Variants in ELAVL2 observed in about 807,000 individuals in gnomAD.
The protein encoded by ELAVL2 is ELAV-like protein 2.
Under a neutral mutation model 34.6 loss-of-function variants are expected in ELAVL2, and 4 were observed. The ratio of observed to expected loss-of-function variants is 0.12; its 90% CI spans 0.06 to 0.26. The LOEUF (loss-of-function observed/expected upper bound fraction) is 0.26. Ranked by LOEUF, ELAVL2 falls within the 10% of genes least tolerant of loss-of-function variation. ELAVL2 has a pLI of 1.00. For missense variants in ELAVL2, 432 were observed against 442.8 expected, an observed-to-expected ratio of 0.98 and a Z score of 0.22; for synonymous variants, 193 against 154.8, an observed-to-expected ratio of 1.25 and a Z score of -1.83.
intron 2 of ELAVL2, among the ~76,000 whole-genome samples, chr9:23,732,478 TCA>T (rs2046820062): frequency 1.3e-5 from 2 of 152,240 alleles, no homozygotes; most frequent in African/African-American, 4.8e-5. Context: ...TAATTTCATC[TCA>T]CACTAAAATT....
At chr9:23,840,675 T>C in the ELAVL2 span, among the ~76,000 whole-genome samples, 1 of 152,198 alleles carries the variant, frequency 6.6e-6, no homozygotes, top group Admixed American at 6.6e-5. Flanking sequence ...CAACTTCCCG[T>C]TAGTAAAATG....
intron 2 of ELAVL2, among the ~76,000 whole-genome samples, chr9:23,755,826 C>T (rs1291774625): frequency 2.0e-5 from 3 of 152,118 alleles, no homozygotes; most frequent in Admixed American, 1.3e-4. Context: ...ACCCACCCAA[C>T]CACCCTGCTG....
At chr9:23,716,727 T>C (rs186769061) in intron 3 of ELAVL2, among the ~76,000 whole-genome samples, 33 of 152,318 alleles carry the variant, frequency 2.2e-4, no homozygotes, top group Middle Eastern at 6.8e-3. Context: ...GAAATTTTTA[T>C]CCACTTTATT....
At chr9:23,764,010 A>C (rs187178309) in intron 1 of ELAVL2, among the ~76,000 whole-genome samples, 340 of 152,272 alleles carry the variant, frequency 2.2e-3, no homozygotes, top group Admixed American at 7.7e-3. Flanking sequence ...ATAATTAGCA[A>C]ATCTATTTGA....
intron 2 of ELAVL2, among the ~76,000 whole-genome samples, chr9:23,737,069 A>G (rs1302090037): frequency 6.6e-6 from 1 of 152,058 alleles, no homozygotes; most frequent in African/African-American, 2.4e-5. Context: ...ACAGCTTCTT[A>G]TATTATTCCG....
At position 23,769,129 on chromosome 9, in the gene ELAVL2, C is replaced by G. The variant is rs977035781; in HGVS notation, c.-15-6880G>C. Among the ~76,000 whole-genome samples, 15 of 152,240 alleles carry G rather than the reference C, an allele frequency of 9.9e-5. No homozygotes were observed. In the East Asian group the frequency reaches 2.7e-3, roughly 28 times the overall value. On this transcript the variant is annotated intron_variant, in intron 1 of 6. Coordinates refer to ENST00000397312, the MANE Select transcript of ELAVL2 (RefSeq NM_004432.5). ...GGCCTTCCTTCTGACCACATCAAAC[C>G]TCTCCCTAAATGCCAAGTTACAGAT...
chr9:23,702,741 T>C (rs1471740163), intron 4 of ELAVL2, among the ~76,000 whole-genome samples: 2 of 151,804 alleles, frequency 1.3e-5, no homozygotes, highest in Non-Finnish European at 2.9e-5. Context: ...AGAGCATGCA[T>C]TGCACATTAT....
chr9:23,814,581 T>G (rs905755440), intron 1 of ELAVL2, among the ~76,000 whole-genome samples: 1 of 151,994 alleles, frequency 6.6e-6, no homozygotes, highest in South Asian at 2.1e-4. Flanking sequence ...ACCCCAAGGG[T>G]TTTTAAACAA....
chr9:23,766,113 C>T (rs2056202260), intron 1 of ELAVL2, among the ~76,000 whole-genome samples: 1 of 152,110 alleles, frequency 6.6e-6, no homozygotes, highest in Admixed American at 6.6e-5. Context: ...AAAATTTTAT[C>T]CTGAGAGGCA....
the ELAVL2 span, among the ~76,000 whole-genome samples, chr9:23,831,780 GC>G: frequency 6.6e-6 from 1 of 151,006 alleles, no homozygotes; most frequent in Non-Finnish European, 1.5e-5. Flanking sequence ...GGCAGAGGGG[GC>G]GCCTGGAATG....
intron 6 of ELAVL2, 72 bp from the exon 7 acceptor site, chr9:23,692,956 G>GTAT: frequency 7.2e-7 from 1 of 1,382,928 alleles, no homozygotes; most frequent in Admixed American, 2.4e-5. Context: ...AGCAATGAAC[G>GTAT]TATACCTTTT....
chr9:23,795,090 A>G (rs1362225921), intron 1 of ELAVL2, among the ~76,000 whole-genome samples: 1 of 152,178 alleles, frequency 6.6e-6, no homozygotes, highest in Non-Finnish European at 1.5e-5. Flanking sequence ...TTCAGACATT[A>G]AAAAACACAT....
At chr9:23,720,107 G>C in intron 3 of ELAVL2, among the ~76,000 whole-genome samples, 1 of 148,492 alleles carries the variant, frequency 6.7e-6, no homozygotes, top group Middle Eastern at 4.0e-3. Flanking sequence ...GATTACAGGC[G>C]TGAGCCACCG....
chr9:23,762,164 T>A lies in ELAVL2; in HGVS notation c.71A>T (p.Asn24Ile). Residue 24 changes from asparagine (N) to isoleucine (I), a missense_variant, in exon 2 of 7, where the codon AAC becomes ATC. Transcript: ENST00000397312. ...TANGPTTINN[N>I]CSSPVDSGNT... The stretch of plus-strand genomic sequence containing the variant: ...CCCAGAGTCAACTGGTGACGAACAG[T>A]TGTTGTTTATGGTGGTTGGACCATT... The A allele has an allele frequency of 6.2e-7, 1 of 1,613,692 alleles. No individual in the cohort carries two copies.
chr9:23,761,792 A>G (rs544885898), intron 2 of ELAVL2, among the ~76,000 whole-genome samples: 1 of 152,200 alleles, frequency 6.6e-6, no homozygotes, highest in East Asian at 1.9e-4. Context: ...AGAGTACATT[A>G]AAGTCCAGTT....
chr9:23,816,317 TAAAA>T (rs10717104), intron 1 of ELAVL2, among the ~76,000 whole-genome samples: 29 of 44,696 alleles, frequency 6.5e-4, no homozygotes, highest in Non-Finnish European at 5.7e-4. Flanking sequence ...AAGCTTTCAG[TAAAA>T]AAAAAAAAAA....
At chr9:23,715,391 G>A (rs1440658008) in intron 3 of ELAVL2, among the ~76,000 whole-genome samples, 5 of 151,942 alleles carry the variant, frequency 3.3e-5, no homozygotes, top group Admixed American at 2.0e-4. Context: ...CTCGTGAGCC[G>A]CCCGTCTCGG....
intron 1 of ELAVL2, among the ~76,000 whole-genome samples, chr9:23,771,638 T>TA (rs2057327589): frequency 6.6e-6 from 1 of 152,148 alleles, no homozygotes; most frequent in Non-Finnish European, 1.5e-5. Context: ...AACATGCAAC[T>TA]ACTACTAAAC....
At chr9:23,799,484 G>T (rs564240521) in intron 1 of ELAVL2, among the ~76,000 whole-genome samples, 1 of 152,226 alleles carries the variant, frequency 6.6e-6, no homozygotes, top group Non-Finnish European at 1.5e-5. Flanking sequence ...ACCCCACCAC[G>T]TGAGTGGGGA....
Sources: allele counts gnomAD v4.1 joint callset (sites outside exome capture counted in the v4.1 genomes callset), GRCh38; gene constraint gnomAD v4.1.1; transcripts MANE v1.5; gene names NCBI Gene and HGNC (gene_info 2026-07-23, HGNC 2026-07-21).